RALGAPA1: variants seen among roughly 807,000 people sequenced by gnomAD.
The protein encoded by RALGAPA1 is ral GTPase-activating protein subunit alpha-1.
A neutral mutation model predicts 269.6 loss-of-function variants in RALGAPA1; 52 were observed. That is an observed-to-expected ratio of 0.19 (90% CI 0.15 to 0.24). The LOEUF is 0.24. Among genes scored for constraint, RALGAPA1 ranks in the 10% least tolerant of loss-of-function variants. The pLI is 1.00. For synonymous variants in RALGAPA1, 817 were observed against 1,008.3 expected (o/e 0.81, Z 3.60); for missense variants, 1,917 against 3,013.9 (o/e 0.64, Z 8.52).
intron 6 of RALGAPA1, among the ~76,000 whole-genome samples, chr14:35,759,975 A>G (rs2073565023): frequency 1.3e-5 from 2 of 152,086 alleles, no homozygotes; most frequent in African/African-American, 4.8e-5. Flanking sequence ...AGACTCACTA[A>G]TGAATGAAAG....
intron 6 of RALGAPA1, among the ~76,000 whole-genome samples, chr14:35,760,089 T>C (rs1473297912): frequency 6.6e-6 from 1 of 152,178 alleles, no homozygotes; most frequent in African/African-American, 2.4e-5. Flanking sequence ...AGTCATCTAA[T>C]GGACAAAATA....
At chr14:35,602,676 T>C (rs779788346) in intron 36 of RALGAPA1, among the ~76,000 whole-genome samples, 6 of 152,200 alleles carry the variant, frequency 3.9e-5, no homozygotes, top group Non-Finnish European at 8.8e-5. Flanking sequence ...CATTGATTTG[T>C]ACAACTAGTT....
chr14:35,623,876 G>A (rs941380631), intron 35 of RALGAPA1, among the ~76,000 whole-genome samples: 5 of 152,090 alleles, frequency 3.3e-5, no homozygotes, highest in African/African-American at 7.2e-5. Flanking sequence ...TCAGGCGATC[G>A]AGACCATTCT....
At chr14:35,620,013 C>G (rs1476364076) in intron 35 of RALGAPA1, among the ~76,000 whole-genome samples, 2 of 152,186 alleles carry the variant, frequency 1.3e-5, no homozygotes, top group Non-Finnish European at 2.9e-5. Context: ...TCCTCCCTAA[C>G]TCATTTTATG....
At chr14:35,744,200 C>T (rs1420617099) in intron 10 of RALGAPA1, among the ~76,000 whole-genome samples, 4 of 151,852 alleles carry the variant, frequency 2.6e-5, no homozygotes, top group Admixed American at 6.6e-5. Flanking sequence ...GGAGAAAGTC[C>T]GTCTCTACTA....
At chr14:35,612,755 G>A (rs1024735451) in intron 35 of RALGAPA1, among the ~76,000 whole-genome samples, 1 of 152,050 alleles carries the variant, frequency 6.6e-6, no homozygotes, top group South Asian at 2.1e-4. Flanking sequence ...AGCCAGGATG[G>A]TCTCGATCTC....
intron 33 of RALGAPA1, among the ~76,000 whole-genome samples, chr14:35,632,352 G>A (rs1417095997): frequency 6.6e-6 from 1 of 152,112 alleles, no homozygotes; most frequent in African/African-American, 2.4e-5. Context: ...TGTGTAACTA[G>A]CATTCATTTA....
At chr14:35,562,238 G>C (rs552877959) in intron 39 of RALGAPA1, among the ~76,000 whole-genome samples, 67 of 152,272 alleles carry the variant, frequency 4.4e-4, no homozygotes, top group African/African-American at 1.5e-3. Flanking sequence ...AACCTCATCA[G>C]CGTCTAGACT....
At chr14:35,609,510 A>C (rs2899839) in intron 35 of RALGAPA1, among the ~76,000 whole-genome samples, 52,494 of 152,086 alleles carry the variant, frequency 0.35, 12,528 homozygotes, top group African/African-American at 0.67. Flanking sequence ...GTAAGTAAAG[A>C]AGTGCTCATT....
intron 30 of RALGAPA1, among the ~76,000 whole-genome samples, chr14:35,653,468 G>C (rs1161823780): frequency 6.6e-6 from 1 of 152,136 alleles, no homozygotes; most frequent in African/African-American, 2.4e-5. Context: ...TCAGCTAGGA[G>C]GAAGAAAGCC....
chr14:35,655,970 A>G (rs2063149461), intron 28 of RALGAPA1, 55 bp from the exon 29 acceptor site: 2 of 1,608,598 alleles, frequency 1.2e-6, no homozygotes, highest in Admixed American at 1.7e-5. Context: ...CACCACAAAC[A>G]TGACCCACAA....
intron 1 of RALGAPA1, among the ~76,000 whole-genome samples, chr14:35,778,375 T>C (rs1180930182): frequency 6.6e-6 from 1 of 152,204 alleles, no homozygotes; most frequent in Non-Finnish European, 1.5e-5. Flanking sequence ...ATGTCTTATC[T>C]ATGTGATTTT....
chr14:35,796,576 CAT>C (rs1302180381), intron 1 of RALGAPA1, among the ~76,000 whole-genome samples: 1 of 152,084 alleles, frequency 6.6e-6, no homozygotes, highest in Non-Finnish European at 1.5e-5. Context: ...CTAACCAAGG[CAT>C]ATGATAATCA....
At chr14:35,702,408 A>T (rs1473814699) in intron 16 of RALGAPA1, among the ~76,000 whole-genome samples, 1 of 152,222 alleles carries the variant, frequency 6.6e-6, no homozygotes, top group Non-Finnish European at 1.5e-5. Context: ...ATATGCTAAG[A>T]TAATGGCAAC....
At chr14:35,693,629 TTAATC>T (rs1182185959) in intron 17 of RALGAPA1, among the ~76,000 whole-genome samples, 2 of 152,002 alleles carry the variant, frequency 1.3e-5, no homozygotes, top group African/African-American at 4.8e-5. Flanking sequence ...CAATTAAATG[TTAATC>T]TAAAGCATTA....
intron 16 of RALGAPA1, among the ~76,000 whole-genome samples, chr14:35,710,294 C>T (rs1432236075): frequency 6.6e-6 from 1 of 152,062 alleles, no homozygotes; most frequent in Non-Finnish European, 1.5e-5. Context: ...TGGAGTCTTG[C>T]TCTGTTGCCC....
intron 26 of RALGAPA1, among the ~76,000 whole-genome samples, chr14:35,668,312 G>A (rs372903584): frequency 2.6e-5 from 4 of 152,118 alleles, no homozygotes; most frequent in African/African-American, 4.8e-5. Flanking sequence ...GTGAAACCTC[G>A]TCTCTGCCAA....
At chr14:35,723,519 T>C (rs2069621881) in intron 14 of RALGAPA1, 1 of 280,246 alleles carries the variant, frequency 3.6e-6, no homozygotes, top group Non-Finnish European at 6.7e-6. Context: ...AACTGTCTCT[T>C]ATGCTGCATT....
At chr14:35,681,261 A>C (rs1316129535) in intron 21 of RALGAPA1, among the ~76,000 whole-genome samples, 1 of 152,250 alleles carries the variant, frequency 6.6e-6, no homozygotes, top group Non-Finnish European at 1.5e-5. Flanking sequence ...TGTGCCTTCT[A>C]AACAGAAACA....
Sources: allele counts gnomAD v4.1 joint callset (sites outside exome capture counted in the v4.1 genomes callset), GRCh38; gene constraint gnomAD v4.1.1; transcripts MANE v1.5; gene names NCBI Gene and HGNC (gene_info 2026-07-23, HGNC 2026-07-21).